The following PHKA1 variants were observed in gnomAD, a reference collection of about 807,000 sequenced individuals.
PHKA1 encodes phosphorylase kinase regulatory subunit alpha 1.
In PHKA1, 60 loss-of-function variants were observed where a neutral mutation model predicts 110.2. That is an observed-to-expected ratio of 0.54 (90% CI 0.44 to 0.68). The LOEUF (loss-of-function observed/expected upper bound fraction) is 0.68, where lower values mean the gene tolerates loss of function less well. Ranked by LOEUF, PHKA1 falls within the 30% of genes least tolerant of loss-of-function variation. PHKA1 has a pLI of 0.00. For missense variants in PHKA1, 801 were observed against 942.5 expected (o/e 0.85, Z 1.97); for synonymous variants, 316 against 333.6 (o/e 0.95, Z 0.58).
At chrX:72,605,730 A>T in intron 23 of PHKA1, 111 bp from the exon 24 acceptor site, 1 of 566,311 alleles carries the variant, frequency 1.8e-6, no homozygotes, top group East Asian at 3.6e-5. Context: ...TCAACATTTC[A>T]TCATTACCAA....
chrX:72,713,670 T>A (rs1603278091), intron 1 of PHKA1, 133 bp downstream of exon 1: 2 of 486,233 alleles, frequency 4.1e-6, no homozygotes, highest in East Asian at 3.9e-5. Flanking sequence ...AAGGTCTCCG[T>A]CACACACACA....
At chrX:72,679,778 G>A (rs1032021355) in intron 5 of PHKA1, among the ~76,000 whole-genome samples, 2 of 110,358 alleles carry the variant, frequency 1.8e-5, no homozygotes, top group African/African-American at 6.6e-5. Context: ...AAACTAAACA[G>A]TACATCTGTG....
intron 16 of PHKA1, among the ~76,000 whole-genome samples, chrX:72,629,005 T>C (rs1360496148): frequency 8.9e-6 from 1 of 112,019 alleles, no homozygotes; most frequent in Non-Finnish European, 1.9e-5. Flanking sequence ...TTCCCAAATG[T>C]ATTTATATTA....
Position 72,635,070 on chromosome X carries a change from T to A in PHKA1, c.1714+85A>T. ...GAAAGAATAAATTATAAGAAGTAGC[T>A]CTCTAGAAACAACAAGATGTTGAAG... On this transcript the variant is annotated intron_variant, in intron 16 of 31. Coordinates refer to ENST00000373542, the MANE Select transcript of PHKA1 (RefSeq NM_002637.4). The A allele has an allele frequency of 2.8e-6, 3 of 1,074,178 alleles. No individual in the cohort carries two copies. The Admixed American group carries it at 6.6e-5, about 24-fold the overall frequency. The allele number at this position is 1,074,178 out of a possible 1,213,427, so 88.5% of individuals were successfully genotyped here.
intron 23 of PHKA1, among the ~76,000 whole-genome samples, chrX:72,609,378 G>A (rs1162204188): frequency 8.9e-6 from 1 of 112,146 alleles, no homozygotes; most frequent in African/African-American, 3.2e-5. Flanking sequence ...AGGGTACCCT[G>A]TTTGTTTTGT....
intron 10 of PHKA1, among the ~76,000 whole-genome samples, chrX:72,654,344 C>T (rs781934328): frequency 2.7e-5 from 3 of 112,298 alleles, no homozygotes; most frequent in Non-Finnish European, 5.6e-5. Context: ...ACTGAACTTA[C>T]AAGCTGCAAT....
At chrX:72,657,762 G>T in intron 8 of PHKA1, 121 bp from the exon 9 acceptor site, 1 of 525,617 alleles carries the variant, frequency 1.9e-6, no homozygotes, top group Non-Finnish European at 3.2e-6. Context: ...AAGGCATAAT[G>T]CTTAAAACCA....
chrX:72,706,432 C>G (rs1483651664), intron 2 of PHKA1, among the ~76,000 whole-genome samples: 1 of 111,726 alleles, frequency 9.0e-6, no homozygotes, highest in Non-Finnish European at 1.9e-5. Context: ...ATGAAAGAGT[C>G]CATCTCTTTA....
chrX:72,673,332 T>C (rs1466453333), intron 6 of PHKA1, among the ~76,000 whole-genome samples: 1 of 111,953 alleles, frequency 8.9e-6, no homozygotes, highest in Non-Finnish European at 1.9e-5. Flanking sequence ...TTTTGTTTAA[T>C]CAGAGAAAAA....
intron 21 of PHKA1, among the ~76,000 whole-genome samples, chrX:72,617,641 T>G (rs1168884922): frequency 9.0e-6 from 1 of 111,373 alleles, no homozygotes; most frequent in East Asian, 2.8e-4. Flanking sequence ...GATAAATTTG[T>G]GAACACATAC....
rs1291280746 is a variant in PHKA1 at position 72,581,282 on chromosome X, T to C, written c.3499-107A>G. The C allele has an allele frequency of 9.0e-6, 5 of 553,636 alleles. No homozygotes were observed. In the Admixed American group the frequency reaches 1.2e-4, roughly 14 times the overall value. The allele number at this position is 553,636 out of a possible 1,213,427, so 45.6% of individuals were successfully genotyped here. ...TTCAGAACCTCCTCCCCAACACCAA[T>C]TAGTTGGGCCCTAGACTGTTTATCC... On this transcript the variant is annotated intron_variant, in intron 31 of 31. Coordinates refer to ENST00000373542, the MANE Select transcript of PHKA1 (RefSeq NM_002637.4).
chrX:72,600,549 A>G (rs1351713706), intron 28 of PHKA1, among the ~76,000 whole-genome samples: 1 of 112,230 alleles, frequency 8.9e-6, no homozygotes, highest in Non-Finnish European at 1.9e-5. Context: ...AAAACTGTAA[A>G]GTGAATACAA....
At chrX:72,663,025 G>A (rs1188762648) in intron 8 of PHKA1, among the ~76,000 whole-genome samples, 11 of 110,373 alleles carry the variant, frequency 1.0e-4, no homozygotes, top group African/African-American at 2.6e-4. Flanking sequence ...CCAAAGGGAC[G>A]TAATAATTAT....
chrX:72,589,871 T>C (rs782407885), intron 29 of PHKA1, among the ~76,000 whole-genome samples: 1 of 110,514 alleles, frequency 9.0e-6, no homozygotes, highest in Admixed American at 9.8e-5. Flanking sequence ...GTACAAGGGA[T>C]GTGAAGGACC....
chrX:72,628,570 ATTCCCATATAAATATATATATATATAT>A lies in PHKA1; in HGVS notation c.1715-1548_1715-1522del, dbSNP rs1343598470. Among the ~76,000 whole-genome samples the A allele has an allele frequency of 4.1e-3, 411 of 101,450 alleles. 3 individuals carry two copies. Among genetic ancestry groups the A allele is most frequent in the African/African-American group, 0.014 (374 of 26,975 alleles). 88.1% of individuals were successfully genotyped at this position (101,450 alleles called of 115,157 possible). A position where few individuals can be genotyped will look rare whatever the true frequency, so the allele number is the denominator to read the frequency against. On this transcript the variant is annotated intron_variant, in intron 16 of 31. Transcript: ENST00000373542. ...TATTCCCATATATATATATATATAT[ATTCCCATATAAATATATATATATATAT>A]TTTTTTTTTTCAAATGGAGTCTGCC... is the stretch of plus-strand genomic sequence containing the variant.
intron 10 of PHKA1, among the ~76,000 whole-genome samples, 190 bp downstream of exon 10, chrX:72,655,930 T>C (rs1268916401): frequency 3.6e-5 from 4 of 112,404 alleles, no homozygotes; most frequent in African/African-American, 9.7e-5. Context: ...GAAACCAAAA[T>C]TTTTTTAAAA....
At chrX:72,673,286 G>C (rs1391775368) in intron 6 of PHKA1, among the ~76,000 whole-genome samples, 2 of 111,165 alleles carry the variant, frequency 1.8e-5, no homozygotes, top group Non-Finnish European at 3.8e-5. Context: ...ACTCTCTACT[G>C]GTTCAGAAAA....
intron 13 of PHKA1, among the ~76,000 whole-genome samples, chrX:72,647,510 G>C (rs1169339367): frequency 3.6e-5 from 4 of 112,188 alleles, no homozygotes; most frequent in African/African-American, 1.3e-4. Flanking sequence ...AGCATAGAAA[G>C]AGATGAGATG....
At chrX:72,661,678 TA>T (rs372572964) in intron 8 of PHKA1, among the ~76,000 whole-genome samples, 2 of 44,703 alleles carry the variant, frequency 4.5e-5, no homozygotes, top group African/African-American at 1.9e-4. Flanking sequence ...GAATACCAAT[TA>T]AAAAAAAACA....
Sources: gnomAD v4.1 joint callset for allele counts (sites outside exome capture counted in the v4.1 genomes callset) on GRCh38, gnomAD v4.1.1 for gene constraint, MANE v1.5 for transcripts, NCBI Gene and HGNC (gene_info 2026-07-23, HGNC 2026-07-21) for gene names.